The following DOCK1 variants were observed in gnomAD, a reference collection of about 807,000 sequenced individuals.
The protein encoded by DOCK1 is dedicator of cytokinesis 1.
A neutral mutation model predicts 262.7 loss-of-function variants in DOCK1; 138 were observed. The observed-to-expected ratio is 0.53, with a 90% CI of 0.46 to 0.61. The LOEUF (loss-of-function observed/expected upper bound fraction) is 0.61. DOCK1 is among the 20% of genes least tolerant of loss of function. DOCK1 has a pLI of 0.00. For missense variants in DOCK1, 1,908 were observed against 2,370.7 expected, an observed-to-expected ratio of 0.80 and a Z score of 4.05; for synonymous variants, 866 against 867.4, an observed-to-expected ratio of 1.00 and a Z score of 0.03.
chr10:127,063,076 T>A (rs1262952204), intron 23 of DOCK1, among the ~76,000 whole-genome samples: 1 of 152,236 alleles, frequency 6.6e-6, no homozygotes, highest in Non-Finnish European at 1.5e-5. Context: ...CTGGGCTGAC[T>A]TATTGCAGAA....
At chr10:127,382,786 A>G (rs1349223347) in intron 37 of DOCK1, among the ~76,000 whole-genome samples, 1 of 152,206 alleles carries the variant, frequency 6.6e-6, no homozygotes, top group Non-Finnish European at 1.5e-5. Flanking sequence ...TTTTATATGC[A>G]TGTGTGAATG....
intron 18 of DOCK1, 47 bp from the exon 19 acceptor site, chr10:127,037,672 C>A: frequency 6.7e-7 from 1 of 1,491,242 alleles, no homozygotes; most frequent in African/African-American, 1.4e-5. Flanking sequence ...AGAGACAGAA[C>A]AGAGTTTCTT....
intron 27 of DOCK1, among the ~76,000 whole-genome samples, chr10:127,224,651 T>A (rs1261563826): frequency 6.6e-6 from 1 of 151,748 alleles, no homozygotes; most frequent in Non-Finnish European, 1.5e-5. Flanking sequence ...ACCCAGTAGG[T>A]TAAGGCCGTG....
chr10:127,288,798 CACACACACAT>C (rs1335226483), intron 29 of DOCK1, among the ~76,000 whole-genome samples: 10 of 150,642 alleles, frequency 6.6e-5, no homozygotes, highest in African/African-American at 9.8e-5. Flanking sequence ...CACACACACA[CACACACACAT>C]AAAATAGTTT....
At chr10:127,313,382 A>G (rs559938607) in intron 29 of DOCK1, among the ~76,000 whole-genome samples, 132 of 152,344 alleles carry the variant, frequency 8.7e-4, no homozygotes, top group African/African-American at 3.1e-3. Context: ...TGGACAATAG[A>G]TATCACTGCT....
chr10:127,122,544 C>T (rs1372152075), intron 25 of DOCK1, among the ~76,000 whole-genome samples: 1 of 152,078 alleles, frequency 6.6e-6, no homozygotes, highest in Non-Finnish European at 1.5e-5. Context: ...CCCCACCTCC[C>T]CACTTGATCT....
chr10:127,032,636 C>T (rs2043318313), intron 18 of DOCK1, among the ~76,000 whole-genome samples: 1 of 151,808 alleles, frequency 6.6e-6, no homozygotes, highest in South Asian at 2.1e-4. Flanking sequence ...TCACTCCAGC[C>T]TTGTCCTCCT....
intron 27 of DOCK1, among the ~76,000 whole-genome samples, chr10:127,141,776 T>G (rs1203251084): frequency 6.6e-6 from 1 of 152,166 alleles, no homozygotes; most frequent in Non-Finnish European, 1.5e-5. Flanking sequence ...CCCTGTGTCC[T>G]CCCACAATGA....
chr10:127,143,086 T>C (rs1187935573), intron 27 of DOCK1, among the ~76,000 whole-genome samples: 1 of 152,194 alleles, frequency 6.6e-6, no homozygotes, highest in East Asian at 1.9e-4. Flanking sequence ...ATTCTCTGTT[T>C]GTCTCATGCT....
intron 29 of DOCK1, among the ~76,000 whole-genome samples, chr10:127,291,667 G>A (rs1456088344): frequency 5.3e-5 from 8 of 152,222 alleles, no homozygotes; most frequent in Non-Finnish European, 7.3e-5. Context: ...ATCCCCAGGC[G>A]TTTGCCTCCT....
intron 27 of DOCK1, among the ~76,000 whole-genome samples, chr10:127,168,407 C>T (rs1488377431): frequency 1.3e-5 from 2 of 152,234 alleles, no homozygotes; most frequent in African/African-American, 4.8e-5. Context: ...AACCTTTTTG[C>T]TTCTGATCTC....
intron 10 of DOCK1, chr10:127,001,637 T>C (rs1260468714): frequency 3.3e-5 from 5 of 152,314 alleles, no homozygotes; most frequent in Admixed American, 6.5e-5. Flanking sequence ...ATATTTCAAA[T>C]CATTTAAATA....
chr10:127,211,846 C>T (rs1466640065), intron 27 of DOCK1, among the ~76,000 whole-genome samples: 2 of 152,198 alleles, frequency 1.3e-5, no homozygotes, highest in Non-Finnish European at 2.9e-5. Flanking sequence ...ACCTGCCTTT[C>T]CCCGCTGCTG....
chr10:127,224,880 G>A (rs753436168), intron 27 of DOCK1, among the ~76,000 whole-genome samples: 2 of 151,924 alleles, frequency 1.3e-5, no homozygotes, highest in African/African-American at 4.8e-5. Context: ...ATTCCTTTAG[G>A]GTCAAGACGA....
rs76767986 is a variant in DOCK1, at chr10:127,413,227, C to T, written c.4429-1925C>T. ...GTCAAGTGAGCCACTGGAGGGTGCG[C>T]GGCCAGTTGGGTGCAGAGCTAAGAA... On this transcript the variant is annotated intron_variant, in intron 43 of 51. Coordinates refer to ENST00000623213, the MANE Select transcript of DOCK1 (RefSeq NM_001290223.2). Among the ~76,000 whole-genome samples, 975 of 152,238 alleles carry T rather than the reference C, an allele frequency of 6.4e-3. 3 individuals are homozygous for T. The highest frequency in any genetic ancestry group is 0.017 in the Middle Eastern group (5 of 294).
At position 127,175,904 on chromosome 10, in the gene DOCK1, C is replaced by G. The variant is rs761300471; in HGVS notation, c.2847+48140C>G. 3 of 1,614,202 alleles carry G rather than the reference C, an allele frequency of 1.9e-6. No homozygotes were observed. Among genetic ancestry groups the G allele is most frequent in the South Asian group, 2.2e-5 (2 of 91,080 alleles). On this transcript the variant is annotated intron_variant, in intron 27 of 51. Coordinates refer to ENST00000623213, the MANE Select transcript of DOCK1 (RefSeq NM_001290223.2). This position sits in a 1 kb window ranked among gnomAD's most constrained non-coding sequence, Gnocchi z 6.3. ...AGGCTGTGGTCTTGTGCACCCGCCC[C>G]GCGCCACATGGCCGGGCCTCCTCCA...
intron 40 of DOCK1, 138 bp from the exon 41 acceptor site, chr10:127,408,899 T>A (rs375341436): frequency 8.5e-7 from 1 of 1,169,882 alleles, no homozygotes; most frequent in East Asian, 2.6e-5. Context: ...CAAAAAAAAA[T>A]AAAAATTACA....
At chr10:127,237,151 G>T (rs2489423) in intron 27 of DOCK1, among the ~76,000 whole-genome samples, 10,162 of 151,952 alleles carry the variant, frequency 0.067, 408 homozygotes, top group East Asian at 0.092. Context: ...CTGAGGTCTG[G>T]AGTTTGAGAC....
intron 1 of DOCK1, among the ~76,000 whole-genome samples, chr10:126,948,589 C>G (rs1391316656): frequency 6.6e-6 from 1 of 151,900 alleles, no homozygotes. Context: ...AAACAGGGCC[C>G]TCAAAATGCT....
Sources: allele counts gnomAD v4.1 joint callset (sites outside exome capture counted in the v4.1 genomes callset), GRCh38; gene constraint gnomAD v4.1.1; non-coding constraint Gnocchi (gnomAD v3.1); transcripts MANE v1.5; gene names NCBI Gene and HGNC (gene_info 2026-07-23, HGNC 2026-07-21).